The following ADAM17 variants were observed in gnomAD, a reference collection of about 807,000 sequenced individuals.
The protein encoded by ADAM17 is ADAM metallopeptidase domain 17, also known as disintegrin and metalloproteinase domain-containing protein 17.
Under a neutral mutation model 96.7 loss-of-function variants are expected in ADAM17, and 39 were observed. The ratio of observed to expected loss-of-function variants is 0.40; its 90% CI spans 0.31 to 0.53. The LOEUF (loss-of-function observed/expected upper bound fraction) is 0.53. ADAM17 is among the 20% of genes least tolerant of loss of function. The probability of loss-of-function intolerance (pLI) is 0.44; values close to 1 mark genes in which losing one functional copy is unlikely to be tolerated. For missense variants in ADAM17, 777 were observed against 1,013.2 expected (o/e 0.77, Z 3.17); for synonymous variants, 344 against 359.2 (o/e 0.96, Z 0.48).
rs112494948 is a variant in ADAM17, at chr2:9,546,434, G to A, written c.98-3149C>T. 4.0e-3 allele frequency among the ~76,000 whole-genome samples: 602 copies of A among 152,254 alleles called. 14 individuals carry two copies. The highest frequency in any genetic ancestry group is 0.016 in the South Asian group (76 of 4,826). ...TCCTTTGGAGCCAAACTGTAGCTACGTACTACTGCTATTGTGTTTTCACTA... is the reference window on the plus strand; with the variant it reads ...TCCTTTGGAGCCAAACTGTAGCTACATACTACTGCTATTGTGTTTTCACTA... On this transcript the variant is annotated intron_variant, in intron 1 of 18. Transcript: ENST00000310823.
intron 15 of ADAM17, 143 bp from the exon 16 acceptor site, chr2:9,493,968 C>A: frequency 1.6e-6 from 1 of 620,594 alleles, no homozygotes; most frequent in Non-Finnish European, 2.8e-6. Context: ...CAATAACTTC[C>A]GCGTAATGAG....
intron 10 of ADAM17, among the ~76,000 whole-genome samples, chr2:9,513,391 CA>C (rs1478586829): frequency 6.6e-6 from 1 of 152,164 alleles, no homozygotes; most frequent in East Asian, 1.9e-4. Flanking sequence ...TAATCAGACC[CA>C]AAGAGGAGAA....
At chr2:9,507,060 C>A (rs374904724) in intron 11 of ADAM17, 53 of 152,330 alleles carry the variant, frequency 3.5e-4, no homozygotes, top group African/African-American at 1.2e-3. Flanking sequence ...ACAGAGAAGT[C>A]CACCTGTGGC....
intron 7 of ADAM17, chr2:9,522,505 C>A: frequency 1.9e-6 from 1 of 529,724 alleles, no homozygotes; most frequent in South Asian, 2.7e-5. Context: ...TAGTTTTATA[C>A]AAGTAATATC....
chr2:9,526,679 C>G (rs1030998076), intron 5 of ADAM17, among the ~76,000 whole-genome samples: 1 of 152,088 alleles, frequency 6.6e-6, no homozygotes, highest in Non-Finnish European at 1.5e-5. Flanking sequence ...GCCTGTAATC[C>G]CAGCTACTTG....
At chr2:9,526,714 T>C (rs1664545268) in intron 5 of ADAM17, among the ~76,000 whole-genome samples, 1 of 152,110 alleles carries the variant, frequency 6.6e-6, no homozygotes, top group Non-Finnish European at 1.5e-5. Flanking sequence ...GAGAATCACT[T>C]CAACCCAGGG....
rs566375549 is a variant in ADAM17 at position 9,501,132 on chromosome 2, A to G, written c.1648+1041T>C. 6.6e-5 allele frequency among the ~76,000 whole-genome samples: 10 copies of G among 152,322 alleles called. No individual in the cohort carries two copies. The South Asian group carries it at 1.9e-3, about 28-fold the overall frequency. ...CAGTAGTGAAATAACATGAAACCCA[A>G]TTTTTAAAAAATGAACCAAATATAT... is the stretch of plus-strand genomic sequence containing the variant. On this transcript the variant is annotated intron_variant, in intron 13 of 18. Transcript: ENST00000310823.
intron 9 of ADAM17, 40 bp from the exon 10 acceptor site, chr2:9,518,029 T>C: frequency 1.3e-6 from 2 of 1,577,088 alleles, no homozygotes; most frequent in African/African-American, 1.4e-5. Context: ...GCTTATTAAA[T>C]ACAGAATTAT....
rs149742082 is a variant in ADAM17 at position 9,515,291 on chromosome 2, G to C, written c.1191+2610C>G. On this transcript the variant is annotated intron_variant, in intron 10 of 18. Coordinates refer to ENST00000310823, the MANE Select transcript of ADAM17 (RefSeq NM_003183.6). Reference sequence around the variant, plus strand: ...CTTTCAGACTGGCTTATTTTACTTAGTAGTATGCTTTTAAGGTTCCTCTAT... The same window carrying C: ...CTTTCAGACTGGCTTATTTTACTTACTAGTATGCTTTTAAGGTTCCTCTAT... Among the ~76,000 whole-genome samples, 4 of 152,230 alleles carry C rather than the reference G, an allele frequency of 2.6e-5. No homozygotes were observed. In the South Asian group the frequency reaches 6.2e-4, roughly 24 times the overall value.
intron 6 of ADAM17, 57 bp downstream of exon 6, chr2:9,526,054 G>C: frequency 6.7e-7 from 1 of 1,486,042 alleles, no homozygotes; most frequent in East Asian, 2.3e-5. Flanking sequence ...TAAGTTTCAT[G>C]GAATGTACCC....
At chr2:9,517,183 G>C (rs13011033) in intron 10 of ADAM17, among the ~76,000 whole-genome samples, 34,909 of 152,020 alleles carry the variant, frequency 0.23, 4,772 homozygotes, top group Middle Eastern at 0.33. Context: ...TGTTGACTGA[G>C]ACAAATAAAC....
chr2:9,536,653 C>T, intron 3 of ADAM17, 45 bp downstream of exon 3: 1 of 1,609,498 alleles, frequency 6.2e-7, no homozygotes, highest in South Asian at 1.1e-5. Context: ...ATTTGGAGAC[C>T]TAATACACCA....
chr2:9,517,007 T>TAA (rs1664090199), intron 10 of ADAM17, among the ~76,000 whole-genome samples: 1 of 152,158 alleles, frequency 6.6e-6, no homozygotes, highest in African/African-American at 2.4e-5. Context: ...AGGGCCAGAC[T>TAA]AGGCTAGCCA....
At chr2:9,520,470 C>A (rs948195240) in intron 8 of ADAM17, among the ~76,000 whole-genome samples, 1 of 152,150 alleles carries the variant, frequency 6.6e-6, no homozygotes, top group African/African-American at 2.4e-5. Context: ...AGCTATATTT[C>A]TACTCTCCAA....
At chr2:9,514,346 G>A (rs1471228872) in intron 10 of ADAM17, among the ~76,000 whole-genome samples, 36 of 110,730 alleles carry the variant, frequency 3.3e-4, no homozygotes, top group African/African-American at 9.9e-4. Flanking sequence ...ATCACACACC[G>A]GTGCCTGTCG....
In ADAM17 at chr2:9,536,810, C is replaced by T. The variant is rs762979463; in HGVS notation, c.249G>A (p.Leu83=). The T allele has an allele frequency of 6.2e-7, 1 of 1,613,798 alleles. No homozygotes were observed. The highest frequency in any genetic ancestry group is 2.2e-5 in the East Asian group (1 of 44,852). ...SALKRHFKLY[L]TSSTERFSQN... is the part of the protein sequence containing the mutation. The stretch of plus-strand genomic sequence containing the variant: ...GTGAAAAACGTTCAGTACTTGATGT[C>T]AGGTATAATTTAAAATGCCTGAAGA... The change falls in exon 3 of 19, where the codon CTG becomes CTA. Residue 83 remains leucine, a synonymous_variant. Transcript: ENST00000310823.
chr2:9,545,702 TG>T (rs1320629184), intron 1 of ADAM17, among the ~76,000 whole-genome samples: 1 of 152,174 alleles, frequency 6.6e-6, no homozygotes, highest in Non-Finnish European at 1.5e-5. Context: ...ACCAGAATGA[TG>T]GTAAATTAGT....
At chr2:9,500,921 A>G (rs1662960130) in intron 13 of ADAM17, among the ~76,000 whole-genome samples, 1 of 152,280 alleles carries the variant, frequency 6.6e-6, no homozygotes, top group Non-Finnish European at 1.5e-5. Context: ...TGAAGCTAAT[A>G]GAAGCAGCTG....
rs1014201257 is a variant in ADAM17, at chr2:9,497,373, A to C, written c.1649-125T>G. 2.4e-6 allele frequency: 3 copies of C among 1,249,264 alleles called. No individual in the cohort carries two copies. In the African/African-American group the frequency reaches 4.5e-5, roughly 19 times the overall value. The allele number at this position is 1,249,264 out of a possible 1,614,324, so 77.4% of individuals were successfully genotyped here. On this transcript the variant is annotated intron_variant, in intron 13 of 18. Transcript: ENST00000310823. ...CTTGCAAAAGCAAAAAGTGACCTAC[A>C]GAGCTAGGACAAGAGCCTGCATCTC...
Sources: allele counts gnomAD v4.1 joint callset (sites outside exome capture counted in the v4.1 genomes callset), GRCh38; gene constraint gnomAD v4.1.1; transcripts MANE v1.5; gene names NCBI Gene and HGNC (gene_info 2026-07-23, HGNC 2026-07-21).